Variants in ZFP1 observed in about 807,000 individuals in gnomAD.
ZFP1 encodes ZFP1 zinc finger protein, also known as zinc finger protein 1 homolog.
A neutral mutation model predicts 38.5 loss-of-function variants in ZFP1; 32 were observed. The observed-to-expected ratio is 0.83, with a 90% CI of 0.63 to 1.12. The LOEUF (loss-of-function observed/expected upper bound fraction) is 1.12, where lower values mean the gene tolerates loss of function less well. Ranked by LOEUF, ZFP1 falls within the 50% of genes most tolerant of loss-of-function variation. ZFP1 has a pLI of 0.00. For synonymous variants in ZFP1, 245 were observed against 168.8 expected (o/e 1.45, Z -3.50); for missense variants, 616 against 480.8 (o/e 1.28, Z -2.63).
At chr16:75,132,543 T>C in the ZFP1 span, 8,858 of 152,236 alleles carry the variant, frequency 0.058, 892 homozygotes, top group African/African-American at 0.2. Context: ...TCTGCTCTGA[T>C]GGAACCATGC....
upstream of ZFP1, among the ~76,000 whole-genome samples, chr16:75,145,809 T>G (rs1316757284): frequency 6.6e-6 from 1 of 152,132 alleles, no homozygotes; most frequent in East Asian, 1.9e-4. Context: ...ATTCTTCAAG[T>G]CCATGTGACC....
chr16:75,151,044 A>G (rs1240702390), intron 1 of ZFP1, among the ~76,000 whole-genome samples: 1 of 151,848 alleles, frequency 6.6e-6, no homozygotes, highest in East Asian at 2.0e-4. Flanking sequence ...TTTTTTGTAG[A>G]GACGAGGTTT....
the ZFP1 span, chr16:75,132,559 C>T: frequency 6.6e-6 from 1 of 152,012 alleles, no homozygotes; most frequent in East Asian, 1.9e-4. Flanking sequence ...CATGCTAGAT[C>T]TGCGCTTCCC....
At chr16:75,135,054 C>CAAA in the ZFP1 span, among the ~76,000 whole-genome samples, 2 of 140,602 alleles carry the variant, frequency 1.4e-5, no homozygotes, top group East Asian at 2.0e-4. Flanking sequence ...AACTCCATCT[C>CAAA]AAAAAAAAAA....
chr16:75,164,731 G>A (rs1420322787), intron 2 of ZFP1, among the ~76,000 whole-genome samples: 1 of 152,082 alleles, frequency 6.6e-6, no homozygotes, highest in East Asian at 1.9e-4. Flanking sequence ...GGTTGAGGGG[G>A]GGAATATCAA....
At chr16:75,165,290 C>T (rs981638697) in intron 2 of ZFP1, among the ~76,000 whole-genome samples, 4 of 152,168 alleles carry the variant, frequency 2.6e-5, no homozygotes, top group African/African-American at 9.7e-5. Flanking sequence ...CCAACTCATT[C>T]TAAATACTTT....
At chr16:75,141,581 C>T in the ZFP1 span, among the ~76,000 whole-genome samples, 1 of 152,080 alleles carries the variant, frequency 6.6e-6, no homozygotes, top group South Asian at 2.1e-4. Flanking sequence ...GGGCACATAG[C>T]ACTTACTCCA....
rs189793467 is a variant in ZFP1 at position 75,157,921 on chromosome 16, A to G, written c.15+4955A>G. 8.8e-4 allele frequency among the ~76,000 whole-genome samples: 133 copies of G among 151,920 alleles called. 1 individual carries two copies. Among genetic ancestry groups the G allele is most frequent in the South Asian group, 4.6e-3 (22 of 4,806 alleles). On this transcript the variant is annotated intron_variant, in intron 2 of 3. Coordinates refer to ENST00000570010, the MANE Select transcript of ZFP1 (RefSeq NM_153688.4). Reference sequence around the variant, plus strand: ...AGTGATCCTCCCAGTATTTGGAACTACAGGCGTGTACCACCATGCTCAGGC... The same window carrying G: ...AGTGATCCTCCCAGTATTTGGAACTGCAGGCGTGTACCACCATGCTCAGGC...
intron 3 of ZFP1, among the ~76,000 whole-genome samples, chr16:75,168,058 C>T (rs1404475787): frequency 6.6e-6 from 1 of 152,076 alleles, no homozygotes; most frequent in African/African-American, 2.4e-5. Flanking sequence ...CCGACCCCAT[C>T]TCAAAAAAAC....
At chr16:75,165,218 A>T (rs2038004698) in intron 2 of ZFP1, among the ~76,000 whole-genome samples, 1 of 152,170 alleles carries the variant, frequency 6.6e-6, no homozygotes, top group Non-Finnish European at 1.5e-5. Context: ...GACTACATGT[A>T]GCCTGAAAAG....
Position 75,169,628 on chromosome 16 carries a change from A to C in ZFP1, c.518A>C (p.Lys173Thr), listed in dbSNP as rs763700214. Residue 173 changes from lysine to threonine, a missense_variant, in exon 4 of 4, where the codon AAA becomes ACA. Lys to Thr is a moderately conservative substitution (Grantham distance 78, BLOSUM62 -1). Transcript: ENST00000570010. The stretch of plus-strand genomic sequence containing the variant: ...CTCAGCCATAAAGCAGCCATTTTTA[A>C]ACATCAGAAAATAAAAAACTTGGTT... The part of the protein sequence containing the change: ...KALSHKAAIF[K>T]HQKIKNLVQP... The C allele has an allele frequency of 6.9e-6, 11 of 1,592,008 alleles. No homozygotes were observed. The highest frequency in any genetic ancestry group is 8.5e-6 in the Non-Finnish European group (10 of 1,173,970).
the ZFP1 span, among the ~76,000 whole-genome samples, chr16:75,141,195 CTTTT>C: frequency 4.9e-3 from 331 of 67,944 alleles, no homozygotes; most frequent in African/African-American, 0.015. Flanking sequence ...TTGGGTCATT[CTTTT>C]TTTTTTTTTT....
intron 2 of ZFP1, among the ~76,000 whole-genome samples, chr16:75,157,550 C>G (rs1281338982): frequency 6.6e-6 from 1 of 151,878 alleles, no homozygotes; most frequent in Non-Finnish European, 1.5e-5. Flanking sequence ...GGCCTTCATT[C>G]TGTTCTGGTA....
At chr16:75,154,233 A>G (rs1184100558) in intron 2 of ZFP1, among the ~76,000 whole-genome samples, 1 of 152,204 alleles carries the variant, frequency 6.6e-6, no homozygotes, top group East Asian at 1.9e-4. Context: ...CAAAAAAAAA[A>G]AAAGAGAAGG....
At chr16:75,130,769 C>T in the ZFP1 span, among the ~76,000 whole-genome samples, 2 of 151,982 alleles carry the variant, frequency 1.3e-5, no homozygotes, top group Admixed American at 6.6e-5. Context: ...AGCTACCTAC[C>T]GTAATACTCA....
At chr16:75,168,938 T>C (rs555789464) in intron 3 of ZFP1, among the ~76,000 whole-genome samples, 1 of 152,338 alleles carries the variant, frequency 6.6e-6, no homozygotes, top group Non-Finnish European at 1.5e-5. Context: ...CTCCCTGGCA[T>C]TGCCAGCCTT....
the ZFP1 span, among the ~76,000 whole-genome samples, chr16:75,140,964 A>C: frequency 6.6e-6 from 1 of 152,032 alleles, no homozygotes; most frequent in Non-Finnish European, 1.5e-5. Context: ...ATCTCAAAAA[A>C]ACACAACACT....
chr16:75,149,920 G>A (rs971317284), intron 1 of ZFP1, among the ~76,000 whole-genome samples: 1 of 151,404 alleles, frequency 6.6e-6, no homozygotes, highest in Non-Finnish European at 1.5e-5. Flanking sequence ...TCCTGGCTGG[G>A]ATTACAGGCA....
chr16:75,146,360 G>T (rs993401806), upstream of ZFP1, among the ~76,000 whole-genome samples: 9 of 151,934 alleles, frequency 5.9e-5, no homozygotes, highest in African/African-American at 2.2e-4. Context: ...TTAGAGACAG[G>T]GTTTCGCTGT....
Sources: allele counts gnomAD v4.1 joint callset (sites outside exome capture counted in the v4.1 genomes callset), GRCh38; gene constraint gnomAD v4.1.1; transcripts MANE v1.5; gene names NCBI Gene and HGNC (gene_info 2026-07-23, HGNC 2026-07-21).